Variants in ELAVL4 observed in about 807,000 individuals in gnomAD.
ELAVL4 encodes the protein ELAV-like protein 4.
In ELAVL4, 1 loss-of-function variant was observed where a neutral mutation model predicts 35.6. The ratio of observed to expected loss-of-function variants is 0.03; its 90% CI spans 0.01 to 0.13. The LOEUF (loss-of-function observed/expected upper bound fraction) is 0.13. ELAVL4 is among the 10% of genes least tolerant of loss of function. The pLI, the probability that ELAVL4 is intolerant of heterozygous loss-of-function variation, is 1.00. For missense variants in ELAVL4, 267 were observed against 464.9 expected, an observed-to-expected ratio of 0.57 and a Z score of 3.91; for synonymous variants, 156 against 171.0, an observed-to-expected ratio of 0.91 and a Z score of 0.69.
Position 50,109,100 on chromosome 1 carries a change from T to C in ELAVL4, c.-90T>C. Reference sequence around the variant, plus strand: ...GTGGATCTTTAATTATATATAACAATAGTAGTCATTTTAAATATATATTCT... The same window carrying C: ...GTGGATCTTTAATTATATATAACAACAGTAGTCATTTTAAATATATATTCT... On this transcript the variant is annotated 5_prime_UTR_variant, in exon 1 of 7. Coordinates refer to ENST00000371824, the MANE Select transcript of ELAVL4 (RefSeq NM_001144774.3). The C allele has an allele frequency of 1.5e-6, 2 of 1,298,618 alleles. No homozygotes were observed. The highest frequency in any genetic ancestry group is 1.7e-5 in the African/African-American group (1 of 59,022). The allele number at this position is 1,298,618 out of a possible 1,614,324, so 80.4% of individuals were successfully genotyped here. A position where few individuals can be genotyped will look rare whatever the true frequency, so the allele number is the denominator to read the frequency against.
At chr1:50,164,859 T>G (rs138733462) in intron 2 of ELAVL4, among the ~76,000 whole-genome samples, 7 of 152,188 alleles carry the variant, frequency 4.6e-5, no homozygotes, top group Non-Finnish European at 1.0e-4. Flanking sequence ...TGTGAATAGA[T>G]AATATTCATT....
chr1:50,147,946 G>A (rs549511322), intron 2 of ELAVL4, among the ~76,000 whole-genome samples: 1 of 152,166 alleles, frequency 6.6e-6, no homozygotes, highest in Non-Finnish European at 1.5e-5. Flanking sequence ...AGCCTTACCA[G>A]CAGGCTAGAT....
intron 1 of ELAVL4, among the ~76,000 whole-genome samples, chr1:50,063,980 A>G (rs1030776540): frequency 2.0e-5 from 3 of 152,174 alleles, no homozygotes; most frequent in Non-Finnish European, 2.9e-5. Context: ...ATTAGGAATT[A>G]TCTAGGGGAA....
Position 50,201,271 on chromosome 1 carries a change from C to T in ELAVL4, c.*93C>T. ...CACACATACACGAAAGAGAGAGAAA[C>T]AAACTTTTCAAGGCTTATATTCAAC... On this transcript the variant is annotated 3_prime_UTR_variant, in exon 7 of 7. Transcript: ENST00000371824. This position sits in a 1 kb window ranked among gnomAD's most constrained non-coding sequence, Gnocchi z 4.3. 1.4e-6 allele frequency: 2 copies of T among 1,382,692 alleles called. No individual in the cohort carries two copies. Among genetic ancestry groups the T allele is most frequent in the Non-Finnish European group, 1.9e-6 (2 of 1,054,890 alleles). The allele number at this position is 1,382,692 out of a possible 1,614,324, so 85.7% of individuals were successfully genotyped here.
At position 50,202,614 on chromosome 1, in the gene ELAVL4, TG is replaced by T. The variant is rs1272133433; in HGVS notation, c.*1439del. ...ACTACTTATTTGTTTACTTAAACTA[TG>T]GGAAGAAGCATATTATTGTGTCATT... On this transcript the variant is annotated 3_prime_UTR_variant, in exon 7 of 7. Transcript: ENST00000371824. The T allele has an allele frequency of 6.6e-6, 1 of 152,102 alleles. No homozygotes were observed. Among genetic ancestry groups the T allele is most frequent in the Non-Finnish European group, 1.5e-5 (1 of 68,000 alleles). 9.4% of individuals were successfully genotyped at this position (152,102 alleles called of 1,614,324 possible).
intron 2 of ELAVL4, chr1:50,175,774 C>T (rs1315209612): frequency 6.6e-6 from 1 of 152,230 alleles, no homozygotes; most frequent in African/African-American, 2.4e-5. Flanking sequence ...CATTTACCAG[C>T]AAAACAGAAG....
chr1:50,091,058 T>C (rs1164716596), intron 1 of ELAVL4, among the ~76,000 whole-genome samples: 2 of 152,218 alleles, frequency 1.3e-5, no homozygotes, highest in East Asian at 3.8e-4. Context: ...AGGACCTTTC[T>C]ATCTTTGAGG....
At chr1:50,123,436 A>G (rs1269070542) in intron 1 of ELAVL4, among the ~76,000 whole-genome samples, 2 of 152,040 alleles carry the variant, frequency 1.3e-5, no homozygotes, top group Non-Finnish European at 2.9e-5. Flanking sequence ...AATACCTGTG[A>G]TCTACTCAGG....
chr1:50,178,609 T>C (rs1457673647), intron 3 of ELAVL4, among the ~76,000 whole-genome samples: 1 of 152,238 alleles, frequency 6.6e-6, no homozygotes, highest in Non-Finnish European at 1.5e-5. Flanking sequence ...AATCATTTCC[T>C]ATGAGTTCTC....
At chr1:50,073,772 T>G (rs568787844) in intron 1 of ELAVL4, among the ~76,000 whole-genome samples, 1 of 152,182 alleles carries the variant, frequency 6.6e-6, no homozygotes, top group South Asian at 2.1e-4. Context: ...GAGCTTTGTA[T>G]GAATATAATG....
At chr1:50,168,344 A>G (rs556885302) in intron 2 of ELAVL4, among the ~76,000 whole-genome samples, 7 of 152,108 alleles carry the variant, frequency 4.6e-5, no homozygotes, top group African/African-American at 1.7e-4. Flanking sequence ...ATTTTTTCCA[A>G]TCAATGCCCT....
intron 1 of ELAVL4, among the ~76,000 whole-genome samples, chr1:50,062,574 C>T (rs1021033204): frequency 4.6e-5 from 7 of 152,048 alleles, no homozygotes; most frequent in Non-Finnish European, 1.0e-4. Flanking sequence ...GGCCCTGGCC[C>T]CTTGAGGAGC....
chr1:50,133,372 C>A (rs1003566245), intron 1 of ELAVL4, among the ~76,000 whole-genome samples: 13 of 152,070 alleles, frequency 8.5e-5, no homozygotes, highest in African/African-American at 2.9e-4. Flanking sequence ...CAAAGGCACA[C>A]TTCTCCTCAC....
chr1:50,181,509 G>T (rs952030662), intron 3 of ELAVL4, among the ~76,000 whole-genome samples: 1 of 152,300 alleles, frequency 6.6e-6, no homozygotes, highest in Non-Finnish European at 1.5e-5. Flanking sequence ...TGGACCATGG[G>T]CTTACATTCA....
In ELAVL4 at chr1:50,177,203, A is replaced by T; in HGVS notation, c.354+11A>T. On this transcript the variant is annotated intron_variant, in intron 3 of 6. Coordinates refer to ENST00000371824, the MANE Select transcript of ELAVL4 (RefSeq NM_001144774.3). ...ACCAAAACCATAAAGGTAAGAGGTG[A>T]TGTGCTGGCTCCTGATTCAGGAGGC... 6.2e-7 allele frequency: 1 copy of T among 1,600,346 alleles called. No individual in the cohort carries two copies. Among genetic ancestry groups the T allele is most frequent in the Non-Finnish European group, 8.6e-7 (1 of 1,167,778 alleles).
chr1:50,074,938 A>G (rs1347175531), intron 1 of ELAVL4, among the ~76,000 whole-genome samples: 1 of 152,214 alleles, frequency 6.6e-6, no homozygotes, highest in East Asian at 1.9e-4. Context: ...TATGTTATCT[A>G]GGGGATAGCA....
intron 2 of ELAVL4, among the ~76,000 whole-genome samples, chr1:50,149,977 T>C (rs1174281516): frequency 6.6e-6 from 1 of 151,970 alleles, no homozygotes; most frequent in African/African-American, 2.4e-5. Context: ...AGAGGTGAGG[T>C]TGGTGTTAGC....
At chr1:50,152,320 G>T (rs1674936600) in intron 2 of ELAVL4, among the ~76,000 whole-genome samples, 1 of 152,072 alleles carries the variant, frequency 6.6e-6, no homozygotes, top group Admixed American at 6.6e-5. Context: ...ATCAGGCTGG[G>T]TATTTTAAGA....
intron 2 of ELAVL4, 140 bp downstream of exon 2, chr1:50,145,337 C>T: frequency 7.9e-7 from 1 of 1,271,936 alleles, no homozygotes; most frequent in South Asian, 1.4e-5. Flanking sequence ...CATAAACTCA[C>T]ACTACATACA....
Sources: gnomAD v4.1 joint callset for allele counts (sites outside exome capture counted in the v4.1 genomes callset) on GRCh38, gnomAD v4.1.1 for gene constraint, Gnocchi (gnomAD v3.1) non-coding constraint, MANE v1.5 for transcripts, NCBI Gene and HGNC (gene_info 2026-07-23, HGNC 2026-07-21) for gene names.